The following NRG3 variants were observed in gnomAD, a reference collection of about 807,000 sequenced individuals.
NRG3 encodes neuregulin 3, also known as pro-neuregulin-3, membrane-bound isoform.
In NRG3, 31 loss-of-function variants were observed where a neutral mutation model predicts 66.9. The observed-to-expected ratio is 0.46, with a 90% CI of 0.35 to 0.63. The LOEUF (loss-of-function observed/expected upper bound fraction) is 0.63, where lower values mean the gene tolerates loss of function less well. Among genes scored for constraint, NRG3 ranks in the 20% least tolerant of loss-of-function variants. The pLI is 0.00. For missense variants in NRG3, 910 were observed against 878.9 expected (o/e 1.04, Z -0.45); for synonymous variants, 393 against 359.4 (o/e 1.09, Z -1.06).
At chr10:82,199,204 A>G (rs1172681363) in intron 1 of NRG3, among the ~76,000 whole-genome samples, 1 of 151,562 alleles carries the variant, frequency 6.6e-6, no homozygotes, top group Non-Finnish European at 1.5e-5. Flanking sequence ...AAAAAAAATA[A>G]CTCAAGTAAC....
chr10:82,140,425 A>G (rs2069682228), intron 1 of NRG3, among the ~76,000 whole-genome samples: 1 of 152,222 alleles, frequency 6.6e-6, no homozygotes, highest in Admixed American at 6.5e-5. Flanking sequence ...TCTTTACACT[A>G]TCAATTGGCT....
chr10:82,034,788 C>T (rs2062723523), intron 1 of NRG3, among the ~76,000 whole-genome samples: 1 of 152,044 alleles, frequency 6.6e-6, no homozygotes, highest in South Asian at 2.1e-4. Flanking sequence ...TTTCTTGTCA[C>T]TGCCAAGTAG....
At chr10:81,940,078 T>C (rs545147134) in intron 1 of NRG3, among the ~76,000 whole-genome samples, 11 of 152,224 alleles carry the variant, frequency 7.2e-5, no homozygotes, top group African/African-American at 2.4e-4. Context: ...AATTTTCCAG[T>C]TTTCCTTTTG....
rs140849852 is a variant in NRG3, at chr10:82,709,675, G to A, written c.954-28902G>A. On this transcript the variant is annotated intron_variant, in intron 2 of 8. Transcript: ENST00000372141. ...ACCAGCGGCTGTTTAAGCTTGGCTT[G>A]TTTTCTTTGGGATGGATGAGCCACA... Among the ~76,000 whole-genome samples, 302 of 152,166 alleles carry A rather than the reference G, an allele frequency of 2.0e-3. 1 individual carries two copies. Among genetic ancestry groups the A allele is most frequent in the African/African-American group, 6.9e-3 (286 of 41,524 alleles).
At chr10:82,515,117 T>C (rs1845528358) in intron 2 of NRG3, among the ~76,000 whole-genome samples, 1 of 152,172 alleles carries the variant, frequency 6.6e-6, no homozygotes, top group South Asian at 2.1e-4. Flanking sequence ...GTTGGAGATT[T>C]AGTGGTATCT....
chr10:82,400,399 A>G (rs2087003801), intron 2 of NRG3, among the ~76,000 whole-genome samples: 1 of 152,144 alleles, frequency 6.6e-6, no homozygotes, highest in Non-Finnish European at 1.5e-5. Context: ...ACATACAAAT[A>G]AACTACTGAT....
chr10:82,221,953 A>G (rs1163132591), intron 1 of NRG3, among the ~76,000 whole-genome samples: 1 of 151,626 alleles, frequency 6.6e-6, no homozygotes, highest in Admixed American at 6.6e-5. Context: ...CCTACTCCCA[A>G]ATCCTCCAGG....
At chr10:82,630,576 G>T (rs2049755225) in intron 2 of NRG3, among the ~76,000 whole-genome samples, 1 of 151,942 alleles carries the variant, frequency 6.6e-6, no homozygotes, top group African/African-American at 2.4e-5. Context: ...TACTTGGGAG[G>T]CTGAGGCAGG....
chr10:82,593,089 C>T (rs1263382962), intron 2 of NRG3, among the ~76,000 whole-genome samples: 1 of 152,166 alleles, frequency 6.6e-6, no homozygotes, highest in Non-Finnish European at 1.5e-5. Context: ...AATTCTGCTA[C>T]CAGTTTGTCT....
intron 1 of NRG3, among the ~76,000 whole-genome samples, chr10:82,053,247 A>G (rs1021463200): frequency 6.6e-5 from 10 of 152,128 alleles, no homozygotes; most frequent in African/African-American, 2.4e-4. Flanking sequence ...GTAGTCCAAC[A>G]CATTAAAAGT....
At chr10:82,180,450 C>T (rs1271953071) in intron 1 of NRG3, among the ~76,000 whole-genome samples, 2 of 151,664 alleles carry the variant, frequency 1.3e-5, no homozygotes, top group Non-Finnish European at 3.0e-5. Flanking sequence ...TTTATTATGA[C>T]AGAACATTAA....
intron 1 of NRG3, among the ~76,000 whole-genome samples, chr10:81,996,331 G>C (rs1349035613): frequency 6.6e-6 from 1 of 152,132 alleles, no homozygotes; most frequent in Non-Finnish European, 1.5e-5. Flanking sequence ...GCTGAATTCT[G>C]GGGGAATGTT....
intron 2 of NRG3, among the ~76,000 whole-genome samples, chr10:82,384,275 T>G (rs1836917872): frequency 6.6e-6 from 1 of 152,170 alleles, no homozygotes; most frequent in South Asian, 2.1e-4. Context: ...TTTTTTTTTA[T>G]TTTCAACTTT....
chr10:82,985,594 T>A lies in NRG3; in HGVS notation c.2080T>A (p.Leu694Met). The change falls in exon 9 of 9, where the codon TTG becomes ATG. Residue 694 changes from leucine to methionine, a missense_variant. Physicochemically the swap from Leu to Met is conservative, Grantham distance 15. Transcript: ENST00000372141. ...LRNEIQRDSA[L>M]TK ...AAATGAAATACAAAGAGACTCTGCATTGACCAAGTGACTTGAGATGTAGGA... is the reference window on the plus strand; with the variant it reads ...AAATGAAATACAAAGAGACTCTGCAATGACCAAGTGACTTGAGATGTAGGA... 6.2e-7 allele frequency: 1 copy of A among 1,611,382 alleles called. No homozygotes were observed. The highest frequency in any genetic ancestry group is 8.5e-7 in the Non-Finnish European group (1 of 1,179,808).
intron 2 of NRG3, among the ~76,000 whole-genome samples, chr10:82,568,521 G>A (rs1201864951): frequency 6.6e-6 from 1 of 151,744 alleles, no homozygotes; most frequent in Non-Finnish European, 1.5e-5. Context: ...CCCTGAAGGT[G>A]GCCCCCTTTA....
At chr10:82,692,251 C>CAAAAAAA (rs11323182) in intron 2 of NRG3, among the ~76,000 whole-genome samples, 1 of 120,776 alleles carries the variant, frequency 8.3e-6, no homozygotes, top group Non-Finnish European at 1.7e-5. Flanking sequence ...GATTCCATCT[C>CAAAAAAA]AAAAAAAAAA....
At chr10:82,297,296 A>G (rs1335705253) in intron 1 of NRG3, among the ~76,000 whole-genome samples, 1 of 151,688 alleles carries the variant, frequency 6.6e-6, no homozygotes, top group Admixed American at 6.6e-5. Context: ...TTGGGTAGAT[A>G]CTCAGTAGTA....
chr10:82,776,538 A>G (rs1190309823), intron 3 of NRG3, among the ~76,000 whole-genome samples: 1 of 151,816 alleles, frequency 6.6e-6, no homozygotes, highest in Admixed American at 6.6e-5. Flanking sequence ...CCATCTCTTT[A>G]CCCTCTGAAA....
chr10:82,098,054 TACAC>T (rs61481796), intron 1 of NRG3, among the ~76,000 whole-genome samples: 4,965 of 146,704 alleles, frequency 0.034, 211 homozygotes, highest in African/African-American at 0.1. Flanking sequence ...GCCACATATA[TACAC>T]ACACACACAC....
Sources: allele counts gnomAD v4.1 joint callset (sites outside exome capture counted in the v4.1 genomes callset), GRCh38; gene constraint gnomAD v4.1.1; transcripts MANE v1.5; gene names NCBI Gene and HGNC (gene_info 2026-07-23, HGNC 2026-07-21).